The following APOL1 variants were observed in gnomAD, a reference collection of about 807,000 sequenced individuals.
The protein encoded by APOL1 is apolipoprotein L1.
Under a neutral mutation model 14.9 loss-of-function variants are expected in APOL1, and 17 were observed. The observed-to-expected ratio is 1.14, with a 90% CI of 0.78 to 1.71. APOL1 has a LOEUF of 1.71. APOL1 is among the 40% of genes most tolerant of loss of function. The pLI, the probability that APOL1 is intolerant of heterozygous loss-of-function variation, is 0.00. For synonymous variants in APOL1, 195 were observed against 184.8 expected, an observed-to-expected ratio of 1.05 and a Z score of -0.45; for missense variants, 523 against 485.9, an observed-to-expected ratio of 1.08 and a Z score of -0.72.
intron 4 of APOL1, among the ~76,000 whole-genome samples, chr22:36,258,026 G>A (rs1603482036): frequency 6.6e-6 from 1 of 152,192 alleles, no homozygotes; most frequent in South Asian, 2.1e-4. Context: ...ATGTTGTCTT[G>A]AGGATCAAAT....
intron 4 of APOL1, chr22:36,257,616 C>T (rs1603482006): frequency 1.8e-6 from 1 of 563,514 alleles, no homozygotes; most frequent in Non-Finnish European, 3.2e-6. Flanking sequence ...TGACACGGCC[C>T]AGGTGCCCAC....
Position 36,266,053 on chromosome 22 carries a change from C to T in APOL1, c.*20C>T, listed in dbSNP as rs779348327. 30 of 1,568,528 alleles carry T rather than the reference C, an allele frequency of 1.9e-5. No individual in the cohort carries two copies. Among genetic ancestry groups the T allele is most frequent in the Admixed American group, 7.6e-5 (4 of 52,518 alleles). On this transcript the variant is annotated 3_prime_UTR_variant, in exon 6 of 6. Transcript: ENST00000397278. ...CTGTGACCACAGGGCAGGGCAGCCA[C>T]CAGGAGAGATATGCCTGGCAGGGGC...
chr22:36,254,070 TTAAAA>T (rs776200681), intron 1 of APOL1: 522 of 1,557,568 alleles, frequency 3.4e-4, no homozygotes, highest in Non-Finnish European at 4.4e-4. Flanking sequence ...TTTTGGATTA[TTAAAA>T]TCAAACATTT....
At chr22:36,255,086 C>T (rs1362694296) in intron 2 of APOL1, 87 bp downstream of exon 2, 4 of 1,468,210 alleles carry the variant, frequency 2.7e-6, no homozygotes, top group African/African-American at 1.4e-5. Flanking sequence ...GGGCCAGGGC[C>T]ATCTGGGCTT....
At chr22:36,257,696 C>CGGGGGGGGGG (rs71193213) in intron 4 of APOL1, 1 of 211,638 alleles carries the variant, frequency 4.7e-6, no homozygotes, top group African/African-American at 5.5e-5. Flanking sequence ...GTGGAATCAG[C>CGGGGGGGGGG]GGGGGGGGGG....
intron 5 of APOL1, among the ~76,000 whole-genome samples, chr22:36,262,450 G>A (rs963324062): frequency 6.6e-6 from 1 of 152,158 alleles, no homozygotes; most frequent in South Asian, 2.1e-4. Context: ...TGTGGTGAAG[G>A]CCTTAGAGGC....
At chr22:36,253,631 TG>T (rs1233600931) in intron 1 of APOL1, among the ~76,000 whole-genome samples, 1 of 152,136 alleles carries the variant, frequency 6.6e-6, no homozygotes, top group Non-Finnish European at 1.5e-5. Flanking sequence ...TGAGGCCCAA[TG>T]GGGGCAACAG....
intron 2 of APOL1, among the ~76,000 whole-genome samples, chr22:36,256,106 C>A (rs1249249523): frequency 6.6e-6 from 1 of 152,138 alleles, no homozygotes; most frequent in African/African-American, 2.4e-5. Context: ...TACCTTTGTG[C>A]TTTAAATTTT....
At chr22:36,261,914 G>T (rs151102781) in intron 5 of APOL1, among the ~76,000 whole-genome samples, 192 bp downstream of exon 5, 1 of 152,236 alleles carries the variant, frequency 6.6e-6, no homozygotes, top group Non-Finnish European at 1.5e-5. Flanking sequence ...CTCAGGCTGA[G>T]GGGATAGGAA....
intron 1 of APOL1, 74 bp from the exon 2 acceptor site, chr22:36,254,862 CA>C (rs199714563): frequency 1.7e-3 from 2,364 of 1,391,308 alleles, no homozygotes; most frequent in East Asian, 3.2e-3. Context: ...GACTCCATTT[CA>C]AAAAAAAAAT....
At chr22:36,257,558 C>T in intron 4 of APOL1, 151 bp downstream of exon 4, 1 of 800,088 alleles carries the variant, frequency 1.2e-6, no homozygotes, top group Non-Finnish European at 2.1e-6. Flanking sequence ...GTGGAGTCCC[C>T]CGACCCAGGG....
At chr22:36,264,716 A>C (rs1243241038) in intron 5 of APOL1, among the ~76,000 whole-genome samples, 1 of 152,148 alleles carries the variant, frequency 6.6e-6, no homozygotes, top group Non-Finnish European at 1.5e-5. Flanking sequence ...CCATTTGTAA[A>C]ATTTGTTTCT....
intron 2 of APOL1, among the ~76,000 whole-genome samples, chr22:36,255,628 C>T (rs1218195713): frequency 1.3e-5 from 2 of 150,138 alleles, no homozygotes; most frequent in Non-Finnish European, 3.0e-5. Flanking sequence ...AAGAGGGAGG[C>T]GAGTGGCTTT....
chr22:36,260,043 C>A, intron 4 of APOL1: 1 of 844,248 alleles, frequency 1.2e-6, no homozygotes, highest in Non-Finnish European at 1.6e-6. Flanking sequence ...GAGCTTCCTG[C>A]TTGATGGTTT....
chr22:36,257,147 G>A lies in APOL1; in HGVS notation c.98+11G>A. 1 of 1,614,190 alleles carries A rather than the reference G, an allele frequency of 6.2e-7. No homozygotes were observed. The highest frequency in any genetic ancestry group is 8.5e-7 in the Non-Finnish European group (1 of 1,180,020). ...GGAAGCTGGAGCGAGGTGAGTGTCT[G>A]CAAATAGCAGATGATGGGGGCTCAG... On this transcript the variant is annotated intron_variant, in intron 3 of 5. Transcript: ENST00000397278.
intron 4 of APOL1, among the ~76,000 whole-genome samples, chr22:36,260,374 G>A (rs535138279): frequency 6.6e-6 from 1 of 152,276 alleles, no homozygotes; most frequent in African/African-American, 2.4e-5. Context: ...CAGCCTGGGT[G>A]AGAGAGCAAG....
At chr22:36,257,266 C>T (rs1282791281) in intron 3 of APOL1, 53 bp from the exon 4 acceptor site, 2 of 1,605,514 alleles carry the variant, frequency 1.2e-6, no homozygotes, top group African/African-American at 2.7e-5. Flanking sequence ...AAGCCTCCCT[C>T]TGTCCACTGG....
At chr22:36,256,889 T>C (rs1218345819) in intron 2 of APOL1, among the ~76,000 whole-genome samples, 194 bp from the exon 3 acceptor site, 3 of 152,174 alleles carry the variant, frequency 2.0e-5, no homozygotes, top group East Asian at 1.9e-4. Flanking sequence ...ATGAGACACA[T>C]GTAAGAGGCT....
rs1284728793 is a variant in APOL1 at position 36,267,355 on chromosome 22, G to A, written c.*1322G>A. ...AACCCAAACTTCCCAGAGAGTATGT[G>A]AGAACCAACCAATGAAAACAGTCCC... is the stretch of plus-strand genomic sequence containing the variant. On this transcript the variant is annotated 3_prime_UTR_variant, in exon 6 of 6. Coordinates refer to ENST00000397278, the MANE Select transcript of APOL1 (RefSeq NM_003661.4). 2 of 152,238 alleles carry A rather than the reference G, an allele frequency of 1.3e-5. No homozygotes were observed. The highest frequency in any genetic ancestry group is 4.8e-5 in the African/African-American group (2 of 41,446). The allele number at this position is 152,238 out of a possible 1,614,324, so 9.4% of individuals were successfully genotyped here.
Sources: allele counts gnomAD v4.1 joint callset (sites outside exome capture counted in the v4.1 genomes callset), GRCh38; gene constraint gnomAD v4.1.1; transcripts MANE v1.5; gene names NCBI Gene and HGNC (gene_info 2026-07-23, HGNC 2026-07-21).